The following AIG1 variants were observed in gnomAD, a reference collection of about 807,000 sequenced individuals.
AIG1 encodes the protein androgen induced 1, also known as androgen-induced gene 1 protein.
In AIG1, 23 loss-of-function variants were observed where a neutral mutation model predicts 31.4. That is an observed-to-expected ratio of 0.73 (90% CI 0.53 to 1.04). The LOEUF is 1.04. Among genes scored for constraint, AIG1 ranks in the 50% least tolerant of loss-of-function variants. The pLI is 0.00. For missense variants in AIG1, 274 were observed against 295.0 expected (o/e 0.93, Z 0.52); for synonymous variants, 100 against 110.5 (o/e 0.90, Z 0.60).
At position 143,139,345 on chromosome 6, in the gene AIG1, G is replaced by A. The variant is rs765760803; in HGVS notation, c.297+2355G>A. Among the ~76,000 whole-genome samples the A allele has an allele frequency of 8.0e-5, 12 of 149,768 alleles. 1 individual carries two copies. Among genetic ancestry groups the A allele is most frequent in the South Asian group, 2.1e-4 (1 of 4,658 alleles). On this transcript the variant is annotated intron_variant, in intron 2 of 5. Transcript: ENST00000357847. ...AGTCCCAGCATCACACTTTCATGGC[G>A]TGTGGGTGCAGCTGTCCTAGTGGCT...
chr6:143,288,323 T>C lies in AIG1; in HGVS notation c.515+4098T>C, dbSNP rs1305353289. On this transcript the variant is annotated intron_variant, in intron 4 of 5. Transcript: ENST00000357847. This position sits in a 1 kb window ranked among gnomAD's most constrained non-coding sequence, Gnocchi z 4.4. ...TCTTCCAGCCCCTGGCTATTCTCCCTCCTTCAGGGGTTTCTCATTCAATCA... is the reference window on the plus strand; with the variant it reads ...TCTTCCAGCCCCTGGCTATTCTCCCCCCTTCAGGGGTTTCTCATTCAATCA... Among the ~76,000 whole-genome samples the C allele has an allele frequency of 6.6e-6, 1 of 152,158 alleles. No homozygotes were observed. The highest frequency in any genetic ancestry group is 1.5e-5 in the Non-Finnish European group (1 of 68,036).
At chr6:143,226,490 C>T (rs1407053857) in intron 3 of AIG1, among the ~76,000 whole-genome samples, 3 of 151,956 alleles carry the variant, frequency 2.0e-5, no homozygotes, top group East Asian at 3.9e-4. Flanking sequence ...GTGATCCACC[C>T]GCCTTGGCCT....
At position 143,189,796 on chromosome 6, in the gene AIG1, T is replaced by C. The variant is rs1263850185; in HGVS notation, c.399+24613T>C. On this transcript the variant is annotated intron_variant, in intron 3 of 5. Transcript: ENST00000357847. ...TTAAATGTATTTCCTGAAACACTTC[T>C]CAACTTCGTAAATAAAAAAGAGATA... The C allele has an allele frequency of 9.2e-6, 9 of 983,352 alleles. No individual in the cohort carries two copies. The East Asian group carries it at 9.1e-4, about 99-fold the overall frequency. The allele number at this position is 983,352 out of a possible 1,614,324, so 60.9% of individuals were successfully genotyped here.
At chr6:143,342,423 G>A, downstream of AIG1, 6 of 750,796 alleles carry the variant, frequency 8.0e-6, no homozygotes, top group Admixed American at 3.7e-5. Context: ...ACCCAGTAAG[G>A]TTGAACCTCG....
intron 1 of AIG1, among the ~76,000 whole-genome samples, chr6:143,085,811 C>T (rs1257187614): frequency 6.6e-6 from 1 of 152,178 alleles, no homozygotes; most frequent in African/African-American, 2.4e-5. Flanking sequence ...CTCAATCACC[C>T]GGGAGGTGCC....
intron 3 of AIG1, among the ~76,000 whole-genome samples, chr6:143,221,852 G>A (rs774970377): frequency 3.3e-5 from 5 of 152,160 alleles, no homozygotes; most frequent in Non-Finnish European, 7.3e-5. Flanking sequence ...TCTTGATGCT[G>A]AACAGATCAG....
At chr6:143,244,387 T>C (rs1794465685) in intron 3 of AIG1, among the ~76,000 whole-genome samples, 1 of 152,158 alleles carries the variant, frequency 6.6e-6, no homozygotes, top group Admixed American at 6.5e-5. Context: ...CCTTGACCTC[T>C]TTGATTGCTA....
intron 1 of AIG1, among the ~76,000 whole-genome samples, chr6:143,073,465 G>A (rs1026758593): frequency 3.9e-5 from 6 of 151,972 alleles, no homozygotes; most frequent in South Asian, 2.1e-4. Flanking sequence ...ACTCTTTTTC[G>A]TATGGCTCTA....
intron 4 of AIG1, among the ~76,000 whole-genome samples, chr6:143,321,463 G>A (rs189222693): frequency 4.6e-5 from 7 of 152,046 alleles, no homozygotes; most frequent in African/African-American, 1.4e-4. Context: ...GCCAGGTGTG[G>A]TTGCACGCAC....
intron 3 of AIG1, among the ~76,000 whole-genome samples, chr6:143,250,157 C>G (rs1397485403): frequency 2.0e-5 from 3 of 152,244 alleles, no homozygotes; most frequent in Non-Finnish European, 4.4e-5. Flanking sequence ...TGCATGGGCC[C>G]TAGGGCTCAG....
chr6:143,063,717 CT>C (rs34528291), intron 1 of AIG1, among the ~76,000 whole-genome samples: 4,083 of 152,182 alleles, frequency 0.027, 237 homozygotes, highest in Admixed American at 0.15. Flanking sequence ...TGTGAAGGCC[CT>C]TTTTTCTAGC....
rs1362726929 is a variant in AIG1 at position 143,334,367 on chromosome 6, A to G, written c.679+922A>G. Reference sequence around the variant, plus strand: ...TGCCAGACACCCTGCCAGGAGCTCAATGGAATCAGACAAATAACGCACAGT... The same window carrying G: ...TGCCAGACACCCTGCCAGGAGCTCAGTGGAATCAGACAAATAACGCACAGT... On this transcript the variant is annotated intron_variant, in intron 5 of 5. Coordinates refer to ENST00000357847, the MANE Select transcript of AIG1 (RefSeq NM_016108.4). The surrounding 1 kb of genome is among the most constrained non-coding windows in gnomAD (Gnocchi z 5.1). 6.6e-6 allele frequency among the ~76,000 whole-genome samples: 1 copy of G among 152,236 alleles called. No individual in the cohort carries two copies. Among genetic ancestry groups the G allele is most frequent in the Non-Finnish European group, 1.5e-5 (1 of 68,040 alleles).
At chr6:143,186,403 C>T (rs1789260933) in intron 3 of AIG1, among the ~76,000 whole-genome samples, 1 of 152,176 alleles carries the variant, frequency 6.6e-6, no homozygotes, top group Non-Finnish European at 1.5e-5. Flanking sequence ...TATGTGTAAA[C>T]CTGGGTATAA....
chr6:143,059,475 T>C (rs1033478694), upstream of AIG1, among the ~76,000 whole-genome samples: 1 of 152,188 alleles, frequency 6.6e-6, no homozygotes, highest in Admixed American at 6.5e-5. Context: ...TATAACCATG[T>C]ACCAAGGATG....
At chr6:143,137,668 A>G (rs1010063634) in intron 2 of AIG1, among the ~76,000 whole-genome samples, 1 of 152,152 alleles carries the variant, frequency 6.6e-6, no homozygotes, top group Non-Finnish European at 1.5e-5. Context: ...TTTCAGTTAG[A>G]TTCTCTTCAT....
chr6:143,096,667 A>G (rs1340999340), intron 1 of AIG1, among the ~76,000 whole-genome samples: 1 of 152,236 alleles, frequency 6.6e-6, no homozygotes, highest in East Asian at 1.9e-4. Flanking sequence ...GATTTCATTT[A>G]TGGGTACAGT....
At chr6:143,150,054 A>G (rs1785070310) in intron 2 of AIG1, among the ~76,000 whole-genome samples, 1 of 152,252 alleles carries the variant, frequency 6.6e-6, no homozygotes. Flanking sequence ...ACACCGTGAA[A>G]TATTTTAAAA....
At position 143,303,453 on chromosome 6, in the gene AIG1, G is replaced by A. The variant is rs559196342; in HGVS notation, c.515+19228G>A. On this transcript the variant is annotated intron_variant, in intron 4 of 5. Coordinates refer to ENST00000357847, the MANE Select transcript of AIG1 (RefSeq NM_016108.4). ...TCAGCTTTCTACATATGGCTAGCCA[G>A]TTTTCCCAGCACCATTTATTAAATA... Among the ~76,000 whole-genome samples, 61 of 152,088 alleles carry A rather than the reference G, an allele frequency of 4.0e-4. 1 individual carries two copies. Among genetic ancestry groups the A allele is most frequent in the Non-Finnish European group, 7.1e-4 (48 of 67,844 alleles).
At chr6:143,187,307 A>G in intron 3 of AIG1, 1 of 1,198,990 alleles carries the variant, frequency 8.3e-7, no homozygotes, top group Non-Finnish European at 1.2e-6. Context: ...TAATATTCAC[A>G]CATATGGCAA....
Sources: gnomAD v4.1 joint callset for allele counts (sites outside exome capture counted in the v4.1 genomes callset) on GRCh38, gnomAD v4.1.1 for gene constraint, Gnocchi (gnomAD v3.1) non-coding constraint, MANE v1.5 for transcripts, NCBI Gene and HGNC (gene_info 2026-07-23, HGNC 2026-07-21) for gene names.